Variants in AUTS2 observed in about 807,000 individuals in gnomAD.
AUTS2 encodes the protein activator of transcription and developmental regulator AUTS2.
In AUTS2, 17 loss-of-function variants were observed where a neutral mutation model predicts 112.4. The ratio of observed to expected loss-of-function variants is 0.15; its 90% CI spans 0.10 to 0.23. AUTS2 has a LOEUF of 0.23. Ranked by LOEUF, AUTS2 falls within the 10% of genes least tolerant of loss-of-function variation. The pLI, the probability that AUTS2 is intolerant of heterozygous loss-of-function variation, is 1.00. For synonymous variants in AUTS2, 751 were observed against 702.7 expected, an observed-to-expected ratio of 1.07 and a Z score of -1.09; for missense variants, 1,510 against 1,701.6, an observed-to-expected ratio of 0.89 and a Z score of 1.98.
intron 5 of AUTS2, among the ~76,000 whole-genome samples, chr7:70,463,720 C>T (rs1426887420): frequency 2.0e-5 from 3 of 152,194 alleles, no homozygotes; most frequent in East Asian, 1.9e-4. Flanking sequence ...TGGAGCACAC[C>T]TCCCACCTTT....
intron 1 of AUTS2, among the ~76,000 whole-genome samples, chr7:69,767,446 A>G (rs1424731258): frequency 1.3e-5 from 2 of 152,164 alleles, no homozygotes; most frequent in Non-Finnish European, 2.9e-5. Flanking sequence ...TCAAAGTGCT[A>G]AGATTATAGA....
At chr7:70,193,720 A>G (rs1049741081) in intron 4 of AUTS2, among the ~76,000 whole-genome samples, 4 of 152,190 alleles carry the variant, frequency 2.6e-5, no homozygotes, top group Admixed American at 1.3e-4. Context: ...AACTCATCCA[A>G]CATAATTTTC....
chr7:69,654,590 A>G (rs1169831750), intron 1 of AUTS2, among the ~76,000 whole-genome samples: 2 of 152,218 alleles, frequency 1.3e-5, no homozygotes, highest in African/African-American at 4.8e-5. Flanking sequence ...TTATGTACAC[A>G]GCTGAAATGA....
intron 4 of AUTS2, among the ~76,000 whole-genome samples, chr7:70,288,536 G>A (rs981417491): frequency 6.6e-6 from 1 of 152,182 alleles, no homozygotes; most frequent in African/African-American, 2.4e-5. Flanking sequence ...TGGTCTGCCT[G>A]TGCTTCTTAG....
intron 2 of AUTS2, among the ~76,000 whole-genome samples, chr7:70,011,623 G>A (rs554262158): frequency 3.3e-5 from 5 of 152,158 alleles, no homozygotes; most frequent in Non-Finnish European, 7.3e-5. Flanking sequence ...TTCACTGCTT[G>A]GAGGATGTAT....
intron 4 of AUTS2, chr7:70,291,464 A>G (rs570212908): frequency 2.6e-5 from 4 of 152,280 alleles, no homozygotes; most frequent in Non-Finnish European, 4.4e-5. Flanking sequence ...GATAATTCCT[A>G]TTTTCAGAAA....
chr7:70,391,979 A>G (rs1267059454), intron 4 of AUTS2, among the ~76,000 whole-genome samples: 1 of 152,112 alleles, frequency 6.6e-6, no homozygotes, highest in East Asian at 1.9e-4. Context: ...TCCTAGTCAC[A>G]CCAGCCCCCA....
At chr7:69,840,748 A>G (rs1054894988) in intron 1 of AUTS2, among the ~76,000 whole-genome samples, 2 of 152,180 alleles carry the variant, frequency 1.3e-5, no homozygotes, top group Non-Finnish European at 2.9e-5. Context: ...CTCATTCTAT[A>G]AATTGTAAAT....
intron 2 of AUTS2, among the ~76,000 whole-genome samples, chr7:70,108,164 C>A (rs1264945580): frequency 6.6e-6 from 1 of 151,860 alleles, no homozygotes; most frequent in African/African-American, 2.4e-5. Flanking sequence ...GGGGCTTAGT[C>A]TTGATGAGAT....
chr7:70,330,419 A>G (rs1166043582), intron 4 of AUTS2, among the ~76,000 whole-genome samples: 1 of 152,198 alleles, frequency 6.6e-6, no homozygotes, highest in African/African-American at 2.4e-5. Flanking sequence ...CATCTTGTTG[A>G]AAATAAGTTG....
At chr7:69,748,760 A>G (rs1170456547) in intron 1 of AUTS2, among the ~76,000 whole-genome samples, 1 of 152,198 alleles carries the variant, frequency 6.6e-6, no homozygotes, top group Non-Finnish European at 1.5e-5. Context: ...CTTAGAGGAA[A>G]GTGGGTCATC....
In AUTS2 at chr7:69,649,005, G is replaced by C. The variant is rs551650898; in HGVS notation, c.309+49043G>C. Among the ~76,000 whole-genome samples, 405 of 152,286 alleles carry C rather than the reference G, an allele frequency of 2.7e-3. 1 individual carries two copies. Among genetic ancestry groups the C allele is most frequent in the Middle Eastern group, 0.01 (3 of 294 alleles). ...TCACTCCAAGATGGTTAAGTAAGTA[G>C]GTAGGAGCAACATTTAGGCTGGAAC... On this transcript the variant is annotated intron_variant, in intron 1 of 18. Transcript: ENST00000342771.
intron 4 of AUTS2, among the ~76,000 whole-genome samples, chr7:70,352,617 T>C (rs1208736402): frequency 6.6e-6 from 1 of 152,162 alleles, no homozygotes; most frequent in African/African-American, 2.4e-5. Flanking sequence ...ATCAAACACA[T>C]GTTGAGTGCC....
chr7:70,264,982 C>T (rs778516969), intron 4 of AUTS2, among the ~76,000 whole-genome samples: 64 of 152,198 alleles, frequency 4.2e-4, no homozygotes, highest in Non-Finnish European at 6.3e-4. Flanking sequence ...AAGATGTGGT[C>T]TCTGGATTCA....
At chr7:69,709,999 C>T (rs566550608) in intron 1 of AUTS2, among the ~76,000 whole-genome samples, 4 of 152,270 alleles carry the variant, frequency 2.6e-5, no homozygotes, top group Non-Finnish European at 4.4e-5. Context: ...GAAATGATCT[C>T]TGAAGTGACT....
intron 4 of AUTS2, among the ~76,000 whole-genome samples, chr7:70,242,620 T>G (rs1331641778): frequency 6.6e-6 from 1 of 152,240 alleles, no homozygotes; most frequent in Non-Finnish European, 1.5e-5. Context: ...TATGTTATCA[T>G]GAGACTACAT....
intron 2 of AUTS2, among the ~76,000 whole-genome samples, chr7:70,083,344 G>A (rs1401523728): frequency 1.3e-5 from 2 of 152,050 alleles, no homozygotes; most frequent in Non-Finnish European, 2.9e-5. Context: ...TATTTTGCAG[G>A]GATAAGGCAG....
intron 2 of AUTS2, among the ~76,000 whole-genome samples, chr7:70,070,892 AAG>A (rs1469403842): frequency 1.3e-5 from 2 of 151,770 alleles, no homozygotes; most frequent in Non-Finnish European, 2.9e-5. Flanking sequence ...AAAAAAAAAA[AAG>A]AAAGGGAGAG....
intron 1 of AUTS2, among the ~76,000 whole-genome samples, chr7:69,787,316 A>G (rs957144485): frequency 1.3e-5 from 2 of 152,204 alleles, no homozygotes; most frequent in Non-Finnish European, 2.9e-5. Flanking sequence ...TGTCTTTATT[A>G]AGAAACAAGG....
Sources: gnomAD v4.1 joint callset for allele counts (sites outside exome capture counted in the v4.1 genomes callset) on GRCh38, gnomAD v4.1.1 for gene constraint, MANE v1.5 for transcripts, NCBI Gene and HGNC (gene_info 2026-07-23, HGNC 2026-07-21) for gene names.